Variants in SRPK2 observed in about 807,000 individuals in gnomAD.
SRPK2 encodes SRSF protein kinase 2.
Under a neutral mutation model 90.8 loss-of-function variants are expected in SRPK2, and 21 were observed. The ratio of observed to expected loss-of-function variants is 0.23; its 90% CI spans 0.16 to 0.33. The LOEUF (loss-of-function observed/expected upper bound fraction) is 0.33. Ranked by LOEUF, SRPK2 falls within the 10% of genes least tolerant of loss-of-function variation. The pLI is 1.00. For missense variants in SRPK2, 620 were observed against 869.0 expected (o/e 0.71, Z 3.60); for synonymous variants, 288 against 311.1 (o/e 0.93, Z 0.78).
chr7:105,359,571 C>G lies in SRPK2; in HGVS notation c.71+29077G>C, dbSNP rs76542599. 2.0e-4 allele frequency among the ~76,000 whole-genome samples: 31 copies of G among 152,278 alleles called. No individual in the cohort carries two copies. In the East Asian group the frequency reaches 5.4e-3, roughly 27 times the overall value. The stretch of plus-strand genomic sequence containing the variant: ...AATCAGAACGCCTCTGCTTAATTGT[C>G]TAACGTCAATTTGTTTTATGGCACT... On this transcript the variant is annotated intron_variant, in intron 2 of 15. Coordinates refer to ENST00000393651, the MANE Select transcript of SRPK2 (RefSeq NM_182692.3).
intron 2 of SRPK2, among the ~76,000 whole-genome samples, chr7:105,312,668 C>G (rs1490623271): frequency 6.6e-6 from 1 of 152,164 alleles, no homozygotes; most frequent in South Asian, 2.1e-4. Context: ...CCATAAGTCA[C>G]TTAATTCTTT....
At chr7:105,365,209 G>T (rs933495999) in intron 2 of SRPK2, among the ~76,000 whole-genome samples, 3 of 152,188 alleles carry the variant, frequency 2.0e-5, no homozygotes, top group Admixed American at 6.5e-5. Context: ...TTAGGGCCAG[G>T]CACAGTGGCT....
intron 3 of SRPK2, among the ~76,000 whole-genome samples, chr7:105,184,255 AG>A (rs1793284096): frequency 6.6e-6 from 1 of 152,204 alleles, no homozygotes; most frequent in African/African-American, 2.4e-5. Flanking sequence ...CTGGGATTAT[AG>A]GAGTGAGCCA....
chr7:105,297,471 G>C, intron 2 of SRPK2: 1 of 985,306 alleles, frequency 1.0e-6, no homozygotes, highest in Non-Finnish European at 1.2e-6. Context: ...TCCCTGATAT[G>C]GTGGCCATCT....
chr7:105,305,832 A>G (rs1811084191), intron 2 of SRPK2, among the ~76,000 whole-genome samples: 1 of 152,232 alleles, frequency 6.6e-6, no homozygotes, highest in Admixed American at 6.5e-5. Context: ...CACCATCTTA[A>G]CAAAGGGTGA....
intron 2 of SRPK2, among the ~76,000 whole-genome samples, chr7:105,264,539 A>G (rs1381076801): frequency 6.6e-6 from 1 of 152,188 alleles, no homozygotes; most frequent in African/African-American, 2.4e-5. Context: ...CCTGAACAAG[A>G]CAGCTACAGT....
intron 2 of SRPK2, among the ~76,000 whole-genome samples, chr7:105,353,503 TTTGTTGTTGTTGTTGTTGTTGTTGTTG>T (rs34789062): frequency 6.8e-6 from 1 of 146,092 alleles, no homozygotes; most frequent in African/African-American, 2.5e-5. Flanking sequence ...TCCAGCCCAG[TTTGTTGTTGTTGTTGTTGTTGTTGTTG>T]TTGTTGTTGT....
chr7:105,207,750 G>A (rs2129611477), intron 2 of SRPK2, among the ~76,000 whole-genome samples: 1 of 152,242 alleles, frequency 6.6e-6, no homozygotes, highest in South Asian at 2.1e-4. Flanking sequence ...GTTAGGCAAT[G>A]TTTCTTAAAT....
At chr7:105,225,226 C>T (rs772155124) in intron 2 of SRPK2, among the ~76,000 whole-genome samples, 1 of 152,168 alleles carries the variant, frequency 6.6e-6, no homozygotes, top group Non-Finnish European at 1.5e-5. Context: ...CAAAACACCA[C>T]TGTCAATAAA....
At chr7:105,195,144 C>T (rs1016687988) in intron 3 of SRPK2, among the ~76,000 whole-genome samples, 26 of 152,162 alleles carry the variant, frequency 1.7e-4, no homozygotes, top group African/African-American at 5.8e-4. Context: ...CCGCCTCCCA[C>T]GTTGAAGTGA....
At chr7:105,181,198 TAA>T (rs1792747569) in intron 3 of SRPK2, among the ~76,000 whole-genome samples, 1 of 152,070 alleles carries the variant, frequency 6.6e-6, no homozygotes. Context: ...GAATGGCTAC[TAA>T]AAAGTCACAA....
intron 2 of SRPK2, among the ~76,000 whole-genome samples, chr7:105,253,640 C>T (rs758671123): frequency 1.3e-5 from 2 of 152,180 alleles, no homozygotes; most frequent in East Asian, 1.9e-4. Flanking sequence ...AGATCCAAGC[C>T]GTCCTGAGAC....
At chr7:105,172,186 G>A (rs568140283) in intron 3 of SRPK2, among the ~76,000 whole-genome samples, 5 of 152,260 alleles carry the variant, frequency 3.3e-5, no homozygotes, top group South Asian at 2.1e-4. Context: ...GAGCCACTGC[G>A]CCCAGCCTAC....
chr7:105,305,242 C>T (rs1377455909), intron 2 of SRPK2, among the ~76,000 whole-genome samples: 1 of 152,078 alleles, frequency 6.6e-6, no homozygotes, highest in Non-Finnish European at 1.5e-5. Flanking sequence ...GAGTTCAAGG[C>T]CAGCCTGACC....
At chr7:105,244,276 T>C (rs1801256910) in intron 2 of SRPK2, among the ~76,000 whole-genome samples, 1 of 152,118 alleles carries the variant, frequency 6.6e-6, no homozygotes, top group Non-Finnish European at 1.5e-5. Context: ...TATTTCCTAT[T>C]AAAAAATACA....
chr7:105,199,434 C>G (rs578213797), intron 3 of SRPK2, among the ~76,000 whole-genome samples: 1 of 152,094 alleles, frequency 6.6e-6, no homozygotes, highest in African/African-American at 2.4e-5. Context: ...ACATAACACA[C>G]ACTACCAGCC....
chr7:105,131,741 T>C (rs1041277954), intron 13 of SRPK2, among the ~76,000 whole-genome samples: 1 of 152,040 alleles, frequency 6.6e-6, no homozygotes, highest in Non-Finnish European at 1.5e-5. Flanking sequence ...AAAATTAATA[T>C]ATTTATTCTG....
chr7:105,215,046 TCAACTGATTTC>T (rs1177256853), intron 2 of SRPK2, among the ~76,000 whole-genome samples: 2 of 152,202 alleles, frequency 1.3e-5, no homozygotes, highest in Non-Finnish European at 2.9e-5. Flanking sequence ...GCATTTATAG[TCAACTGATTTC>T]CAACTGATTG....
chr7:105,259,120 T>C (rs927753244), intron 2 of SRPK2, among the ~76,000 whole-genome samples: 3 of 152,200 alleles, frequency 2.0e-5, no homozygotes, highest in African/African-American at 7.2e-5. Flanking sequence ...GATGACATGA[T>C]TGTATATTTA....
Sources: allele counts gnomAD v4.1 joint callset (sites outside exome capture counted in the v4.1 genomes callset), GRCh38; gene constraint gnomAD v4.1.1; transcripts MANE v1.5; gene names NCBI Gene and HGNC (gene_info 2026-07-23, HGNC 2026-07-21).